The following DCC variants were observed in gnomAD, a reference collection of about 807,000 sequenced individuals.
DCC encodes the protein netrin receptor DCC.
In DCC, 58 loss-of-function variants were observed where a neutral mutation model predicts 172.5. The observed-to-expected ratio is 0.34, with a 90% confidence interval of 0.27 to 0.42. DCC has a LOEUF of 0.42. Among genes scored for constraint, DCC ranks in the 10% least tolerant of loss-of-function variants. The pLI, the probability that DCC is intolerant of heterozygous loss-of-function variation, is 1.00. For synonymous variants in DCC, 709 were observed against 644.5 expected (o/e 1.10, Z -1.52); for missense variants, 1,740 against 1,791.0 (o/e 0.97, Z 0.51).
chr18:52,948,059 T>G (rs753272715), intron 5 of DCC, among the ~76,000 whole-genome samples: 1 of 152,184 alleles, frequency 6.6e-6, no homozygotes, highest in Non-Finnish European at 1.5e-5. Flanking sequence ...GCGTTCTAGC[T>G]AAATAAAATA....
At chr18:52,351,165 TA>T (rs34405865) in intron 1 of DCC, among the ~76,000 whole-genome samples, 3 of 151,664 alleles carry the variant, frequency 2.0e-5, no homozygotes, top group Non-Finnish European at 2.9e-5. Flanking sequence ...GAATATCAGG[TA>T]AAAAAAAGTG....
At chr18:52,631,907 T>C (rs1033969678) in intron 1 of DCC, among the ~76,000 whole-genome samples, 5 of 152,172 alleles carry the variant, frequency 3.3e-5, no homozygotes, top group African/African-American at 1.2e-4. Flanking sequence ...ACAGTGGCAT[T>C]AAGGTAAAGA....
At chr18:53,004,111 G>A (rs1436754800) in intron 5 of DCC, among the ~76,000 whole-genome samples, 1 of 152,170 alleles carries the variant, frequency 6.6e-6, no homozygotes, top group Admixed American at 6.6e-5. Context: ...TTGCCATGAA[G>A]TGTTTAGAAA....
chr18:53,049,375 A>AG (rs1381090416), intron 5 of DCC, among the ~76,000 whole-genome samples: 3 of 152,114 alleles, frequency 2.0e-5, no homozygotes, highest in African/African-American at 7.2e-5. Context: ...AGCTTCAGGA[A>AG]GGGGTCCAGT....
At chr18:53,382,088 A>ATG (rs1171031574) in intron 15 of DCC, among the ~76,000 whole-genome samples, 11 of 118,500 alleles carry the variant, frequency 9.3e-5, no homozygotes, top group Non-Finnish European at 1.5e-4. Flanking sequence ...ACACACACAC[A>ATG]CACACACACA....
At chr18:53,265,303 T>C (rs547446779) in intron 12 of DCC, among the ~76,000 whole-genome samples, 1 of 152,190 alleles carries the variant, frequency 6.6e-6, no homozygotes, top group Non-Finnish European at 1.5e-5. Context: ...GGTGACAGCC[T>C]CTAAGACATT....
intron 1 of DCC, among the ~76,000 whole-genome samples, chr18:52,599,035 C>T (rs961887126): frequency 3.9e-5 from 6 of 152,200 alleles, no homozygotes; most frequent in Non-Finnish European, 7.3e-5. Flanking sequence ...TCTCTCAACA[C>T]TGTTGCATTG....
At chr18:53,481,542 C>T (rs1206718523) in intron 25 of DCC, among the ~76,000 whole-genome samples, 2 of 151,932 alleles carry the variant, frequency 1.3e-5, no homozygotes, top group African/African-American at 4.8e-5. Flanking sequence ...TCCAAATGTC[C>T]CAGATAATAT....
intron 5 of DCC, among the ~76,000 whole-genome samples, chr18:52,928,712 T>C (rs539130132): frequency 6.6e-6 from 1 of 152,252 alleles, no homozygotes; most frequent in East Asian, 1.9e-4. Flanking sequence ...ATAACAACCC[T>C]CTTGCCTTCT....
intron 5 of DCC, among the ~76,000 whole-genome samples, chr18:52,939,933 A>G (rs1683328774): frequency 2.0e-5 from 3 of 152,150 alleles, no homozygotes; most frequent in African/African-American, 2.4e-5. Flanking sequence ...ATTTGGTGTA[A>G]TCTTTGTATA....
At chr18:53,115,967 G>A (rs1399783288) in intron 7 of DCC, among the ~76,000 whole-genome samples, 1 of 151,486 alleles carries the variant, frequency 6.6e-6, no homozygotes, top group Non-Finnish European at 1.5e-5. Context: ...GTGGGAGCGG[G>A]GTTGAGGGGG....
intron 9 of DCC, among the ~76,000 whole-genome samples, chr18:53,183,549 A>C (rs1437499792): frequency 6.6e-6 from 1 of 152,106 alleles, no homozygotes; most frequent in Non-Finnish European, 1.5e-5. Context: ...TGGACCACAT[A>C]CTGGCTTGAG....
chr18:52,792,677 A>AT (rs2037793679), intron 2 of DCC, among the ~76,000 whole-genome samples: 1 of 150,672 alleles, frequency 6.6e-6, no homozygotes, highest in African/African-American at 2.4e-5. Flanking sequence ...TGCTAATGGT[A>AT]TTTTTAAATG....
intron 2 of DCC, among the ~76,000 whole-genome samples, chr18:52,843,097 T>C (rs879691181): frequency 3.9e-5 from 6 of 152,180 alleles, no homozygotes; most frequent in Admixed American, 2.0e-4. Flanking sequence ...ACTGTATGGA[T>C]AGTAAGATTT....
chr18:52,686,096 T>G (rs888990547), intron 1 of DCC, among the ~76,000 whole-genome samples: 3 of 152,150 alleles, frequency 2.0e-5, no homozygotes, highest in Non-Finnish European at 2.9e-5. Flanking sequence ...AACCGAGCTA[T>G]TCCTCAAATC....
intron 5 of DCC, among the ~76,000 whole-genome samples, chr18:52,988,878 T>G (rs2041336945): frequency 6.6e-6 from 1 of 152,098 alleles, no homozygotes; most frequent in Non-Finnish European, 1.5e-5. Flanking sequence ...AGCTATGAAT[T>G]GACTTGTAAA....
At chr18:53,060,507 C>T (rs987087150) in intron 5 of DCC, among the ~76,000 whole-genome samples, 9 of 151,988 alleles carry the variant, frequency 5.9e-5, no homozygotes, top group African/African-American at 1.5e-4. Context: ...TGACGGAAGC[C>T]TAAGAAATAT....
At chr18:52,908,124 C>T (rs2039917758) in intron 3 of DCC, among the ~76,000 whole-genome samples, 1 of 152,204 alleles carries the variant, frequency 6.6e-6, no homozygotes, top group Non-Finnish European at 1.5e-5. Context: ...GCTTCGGTCT[C>T]TGCGCTCTTA....
intron 5 of DCC, among the ~76,000 whole-genome samples, chr18:53,060,915 AT>A (rs1345125305): frequency 6.6e-6 from 1 of 152,168 alleles, no homozygotes; most frequent in African/African-American, 2.4e-5. Flanking sequence ...AACTACTCTA[AT>A]TGGAGAATAA....
Sources: allele counts gnomAD v4.1 joint callset (sites outside exome capture counted in the v4.1 genomes callset), GRCh38; gene constraint gnomAD v4.1.1; transcripts MANE v1.5; gene names NCBI Gene and HGNC (gene_info 2026-07-23, HGNC 2026-07-21).